CEP85L: variants seen among roughly 807,000 people sequenced by gnomAD.
CEP85L encodes centrosomal protein of 85 kDa-like.
A neutral mutation model predicts 100.3 loss-of-function variants in CEP85L; 60 were observed. The ratio of observed to expected loss-of-function variants is 0.60; its 90% confidence interval spans 0.49 to 0.74. The LOEUF (loss-of-function observed/expected upper bound fraction) is 0.74. CEP85L is among the 30% of genes least tolerant of loss of function. The probability of loss-of-function intolerance (pLI) is 0.00; values close to 1 mark genes in which losing one functional copy is unlikely to be tolerated. For missense variants in CEP85L, 973 were observed against 936.2 expected (o/e 1.04, Z -0.51); for synonymous variants, 319 against 322.7 (o/e 0.99, Z 0.12).
rs1037724498 is a variant in CEP85L, at chr6:118,465,350, A to G, written c.*55T>C. 1.0e-5 allele frequency: 16 copies of G among 1,548,834 alleles called. No individual in the cohort carries two copies. The African/African-American group carries it at 1.1e-4, about 11-fold the overall frequency. ...ACTTGCAACCTTCCATTATGGCTCCATAACACAGCAGCATTTAAACAACAG... is the reference window on the plus strand; with the variant it reads ...ACTTGCAACCTTCCATTATGGCTCCGTAACACAGCAGCATTTAAACAACAG... On this transcript the variant is annotated 3_prime_UTR_variant, in exon 13 of 13. Coordinates refer to ENST00000368491, the MANE Select transcript of CEP85L (RefSeq NM_001042475.3).
chr6:118,675,015 T>A (rs940674786), intron 1 of CEP85L, among the ~76,000 whole-genome samples: 3 of 152,154 alleles, frequency 2.0e-5, no homozygotes, highest in Non-Finnish European at 2.9e-5. Flanking sequence ...CAAACATTCA[T>A]ACCAACATTA....
At chr6:118,502,140 A>C in intron 5 of CEP85L, 2 of 1,159,676 alleles carry the variant, frequency 1.7e-6, no homozygotes, top group Admixed American at 4.6e-5. Flanking sequence ...TTCAGTCTGG[A>C]GTGAATATTC....
intron 2 of CEP85L, among the ~76,000 whole-genome samples, chr6:118,573,375 G>A (rs1197026310): frequency 6.6e-6 from 1 of 152,136 alleles, no homozygotes. Context: ...TTTCAGCTAA[G>A]CAAAAACAGA....
intron 1 of CEP85L, among the ~76,000 whole-genome samples, chr6:118,692,845 G>A (rs935621329): frequency 1.3e-4 from 14 of 106,236 alleles, no homozygotes; most frequent in African/African-American, 4.8e-4. Flanking sequence ...AAATCATAAG[G>A]TAGTTCCACT....
intron 1 of CEP85L, among the ~76,000 whole-genome samples, chr6:118,700,763 C>A (rs1051744980): frequency 1.3e-5 from 2 of 152,100 alleles, no homozygotes; most frequent in Non-Finnish European, 2.9e-5. Context: ...ACTGAGAACC[C>A]CTGACAGTAA....
intron 3 of CEP85L, among the ~76,000 whole-genome samples, chr6:118,548,670 T>C (rs1778351747): frequency 6.6e-6 from 1 of 152,128 alleles, no homozygotes; most frequent in Admixed American, 6.5e-5. Flanking sequence ...TATTTTGCTT[T>C]TCAAATGTGA....
At position 118,507,194 on chromosome 6, in the gene CEP85L, A is replaced by C. The variant is rs1344520616; in HGVS notation, c.1257+4104T>G. On this transcript the variant is annotated intron_variant, in intron 5 of 12. Coordinates refer to ENST00000368491, the MANE Select transcript of CEP85L (RefSeq NM_001042475.3). ...CTCTAAACAGATCCTTAACATAGTA[A>C]TCTCTATAAACCAATCAATTGTTGC... Among the ~76,000 whole-genome samples the C allele has an allele frequency of 7.9e-5, 12 of 152,312 alleles. No individual in the cohort carries two copies. The South Asian group carries it at 1.4e-3, about 18-fold the overall frequency.
intron 4 of CEP85L, among the ~76,000 whole-genome samples, chr6:118,519,562 GTGTGTGTGTGTGTGTGT>G (rs1162653440): frequency 6.4e-5 from 1 of 15,538 alleles, no homozygotes; most frequent in Non-Finnish European, 2.5e-4. Flanking sequence ...GTGTGTGTGT[GTGTGTGTGTGTGTGTGT>G]GTGGCGGGGG....
chr6:118,548,292 TC>T (rs1214982876), intron 3 of CEP85L: 1 of 152,014 alleles, frequency 6.6e-6, no homozygotes, highest in Non-Finnish European at 1.5e-5. Context: ...CTGCAACTGT[TC>T]CCATAAACTG....
At chr6:118,666,912 T>A (rs1776150739) in intron 1 of CEP85L, among the ~76,000 whole-genome samples, 1 of 152,204 alleles carries the variant, frequency 6.6e-6, no homozygotes, top group Non-Finnish European at 1.5e-5. Flanking sequence ...TAGACTAGAT[T>A]TGCTCAGTGA....
At chr6:118,605,663 C>G (rs1336382897) in intron 2 of CEP85L, among the ~76,000 whole-genome samples, 1 of 152,026 alleles carries the variant, frequency 6.6e-6, no homozygotes, top group Non-Finnish European at 1.5e-5. Flanking sequence ...CTCTGTTTTT[C>G]CCAAGGGGTC....
intron 1 of CEP85L, among the ~76,000 whole-genome samples, chr6:118,690,144 A>T (rs1235350984): frequency 6.6e-6 from 1 of 152,044 alleles, no homozygotes; most frequent in Non-Finnish European, 1.5e-5. Flanking sequence ...TAGGATGCAG[A>T]TTCCCCTAAT....
chr6:118,532,734 T>G (rs1175213163), intron 3 of CEP85L, among the ~76,000 whole-genome samples: 2 of 152,148 alleles, frequency 1.3e-5, no homozygotes, highest in Non-Finnish European at 2.9e-5. Flanking sequence ...TTTGGATGGT[T>G]TCTACCTAAA....
intron 2 of CEP85L, among the ~76,000 whole-genome samples, chr6:118,618,550 C>A (rs924771459): frequency 4.6e-5 from 7 of 152,162 alleles, no homozygotes; most frequent in Admixed American, 2.0e-4. Flanking sequence ...CAAGTATAAT[C>A]TGTGGTGTAT....
At chr6:118,670,500 A>G (rs1183780436) in intron 1 of CEP85L, among the ~76,000 whole-genome samples, 1 of 151,732 alleles carries the variant, frequency 6.6e-6, no homozygotes, top group Non-Finnish European at 1.5e-5. Flanking sequence ...GCTCCCACTT[A>G]TAAGTGAGAA....
intron 1 of CEP85L, among the ~76,000 whole-genome samples, chr6:118,696,514 GA>G (rs1027620789): frequency 1.4e-4 from 21 of 152,304 alleles, no homozygotes; most frequent in African/African-American, 5.1e-4. Context: ...CATTGGTGAT[GA>G]AAGGTCCATA....
At chr6:118,489,461 T>C (rs975481699) in intron 6 of CEP85L, among the ~76,000 whole-genome samples, 2 of 152,280 alleles carry the variant, frequency 1.3e-5, no homozygotes, top group Middle Eastern at 3.4e-3. Flanking sequence ...ATGAAAGGGA[T>C]TGGCTCCAGG....
chr6:118,709,994 A>G (rs1301539675), intron 1 of CEP85L: 2 of 151,704 alleles, frequency 1.3e-5, no homozygotes, highest in African/African-American at 2.4e-5. Context: ...TCTTTAAGAG[A>G]AAAAAAAAGG....
intron 4 of CEP85L, among the ~76,000 whole-genome samples, chr6:118,517,074 T>G (rs1042519107): frequency 6.6e-6 from 1 of 152,188 alleles, no homozygotes; most frequent in Non-Finnish European, 1.5e-5. Context: ...TGATGTTATT[T>G]CTGAGGCCTC....
Sources: allele counts gnomAD v4.1 joint callset (sites outside exome capture counted in the v4.1 genomes callset), GRCh38; gene constraint gnomAD v4.1.1; transcripts MANE v1.5; gene names NCBI Gene and HGNC (gene_info 2026-07-23, HGNC 2026-07-21).